TRIM40: variants seen among roughly 807,000 people sequenced by gnomAD.
TRIM40 encodes the protein tripartite motif containing 40, also known as E3 ubiquitin ligase TRIM40.
TRIM40 carries 27 observed loss-of-function variants against 26.1 expected under a neutral mutation model. The ratio of observed to expected loss-of-function variants is 1.04; its 90% CI spans 0.76 to 1.43. The LOEUF is 1.43. Among genes scored for constraint, TRIM40 ranks in the 40% most tolerant of loss-of-function variants. The pLI, the probability that TRIM40 is intolerant of heterozygous loss-of-function variation, is 0.00. For synonymous variants in TRIM40, 114 were observed against 120.0 expected (o/e 0.95, Z 0.33); for missense variants, 289 against 307.9 (o/e 0.94, Z 0.46).
chr6:30,138,328 G>A (rs758699025), intron 2 of TRIM40, among the ~76,000 whole-genome samples: 15 of 152,188 alleles, frequency 9.9e-5, no homozygotes, highest in Non-Finnish European at 2.1e-4. Flanking sequence ...ATATATTGGA[G>A]GACCTAGAAT....
intron 2 of TRIM40, among the ~76,000 whole-genome samples, chr6:30,144,040 T>C (rs1354600118): frequency 6.6e-6 from 1 of 151,958 alleles, no homozygotes; most frequent in African/African-American, 2.4e-5. Context: ...TAAAAGGCCA[T>C]GAGGAGGTGT....
In TRIM40 at chr6:30,147,851, C is replaced by T. The variant is rs114177994; in HGVS notation, c.*39C>T. 1,728 of 1,573,342 alleles carry T rather than the reference C, an allele frequency of 1.1e-3. 31 individuals are homozygous for T. The African/African-American group carries it at 0.021, about 20-fold the overall frequency. ...GGGACACCTCACTTCAGGCTCACCTCAGCCTCCTCTCTCTCCTTCCTCCAA... is the reference window on the plus strand; with the variant it reads ...GGGACACCTCACTTCAGGCTCACCTTAGCCTCCTCTCTCTCCTTCCTCCAA... On this transcript the variant is annotated 3_prime_UTR_variant, in exon 6 of 6. Coordinates refer to ENST00000396581, the MANE Select transcript of TRIM40 (RefSeq NM_001286633.2).
rs546121168 is a variant in TRIM40 at position 30,137,832 on chromosome 6, T to C, written c.345+451T>C. ...TCTCTTTTTCTTCCTTCTGCATTTGTCTTATCTTTCCTTTTCCTTTCTTTG... is the reference window on the plus strand; with the variant it reads ...TCTCTTTTTCTTCCTTCTGCATTTGCCTTATCTTTCCTTTTCCTTTCTTTG... On this transcript the variant is annotated intron_variant, in intron 2 of 5. Coordinates refer to ENST00000396581, the MANE Select transcript of TRIM40 (RefSeq NM_001286633.2). Among the ~76,000 whole-genome samples the C allele has an allele frequency of 3.3e-5, 5 of 152,358 alleles. No homozygotes were observed. The East Asian group carries it at 9.6e-4, about 29-fold the overall frequency.
chr6:30,143,123 C>CAGT (rs1771445332), intron 2 of TRIM40, among the ~76,000 whole-genome samples: 1 of 152,080 alleles, frequency 6.6e-6, no homozygotes, highest in East Asian at 1.9e-4. Flanking sequence ...TCTTCTCAAC[C>CAGT]AGTACCAAGA....
At chr6:30,145,475 T>A (rs1771590462) in intron 2 of TRIM40, among the ~76,000 whole-genome samples, 1 of 152,118 alleles carries the variant, frequency 6.6e-6, no homozygotes, top group South Asian at 2.1e-4. Flanking sequence ...CAGCGACACA[T>A]CCAGATGCTG....
At chr6:30,144,454 A>G (rs1310811657) in intron 2 of TRIM40, among the ~76,000 whole-genome samples, 2 of 152,170 alleles carry the variant, frequency 1.3e-5, no homozygotes, top group Non-Finnish European at 2.9e-5. Context: ...AGGAAAAAAG[A>G]TTTGGTTTTG....
rs1314849556 is a variant in TRIM40, at chr6:30,148,031, T to C, written c.*219T>C. ...CCTCCTTCCAGGACAGGCTCATGCTTGGGGCTGCCACTGTGGAGGTCGGGG... is the reference window on the plus strand; with the variant it reads ...CCTCCTTCCAGGACAGGCTCATGCTCGGGGCTGCCACTGTGGAGGTCGGGG... On this transcript the variant is annotated 3_prime_UTR_variant, in exon 6 of 6. Transcript: ENST00000396581. 1.9e-5 allele frequency: 11 copies of C among 592,748 alleles called. No individual in the cohort carries two copies. In the Admixed American group the frequency reaches 2.4e-4, roughly 13 times the overall value. 36.7% of individuals were successfully genotyped at this position (592,748 alleles called of 1,614,324 possible).
At position 30,147,055 on chromosome 6, in the gene TRIM40, T is replaced by A; in HGVS notation, c.512T>A (p.Leu171Gln). The change falls in exon 4 of 6, where the codon CTG (leucine) becomes CAG (glutamine). Residue 171 changes from leucine (L) to glutamine (Q), a missense_variant. By Grantham distance (113) the Leu-to-Gln change is moderately radical. Coordinates refer to ENST00000396581, the MANE Select transcript of TRIM40 (RefSeq NM_001286633.2). The part of the protein sequence containing the change: ...PESQHQTREQ[L>Q]GALPQQWLGQ... ...AGCCAGCACCAAACCAGGGAACAGC[T>A]GGGTGCCCTCCCTCAGCAGTGGCTG... The A allele has an allele frequency of 6.2e-7, 1 of 1,613,700 alleles. No individual in the cohort carries two copies. Among genetic ancestry groups the A allele is most frequent in the Non-Finnish European group, 8.5e-7 (1 of 1,179,800 alleles).
Position 30,136,936 on chromosome 6 carries a change from T to C in TRIM40, c.-101T>C, listed in dbSNP as rs113267553. On this transcript the variant is annotated 5_prime_UTR_variant, in exon 2 of 6. Transcript: ENST00000396581. ...TGCTCCAGGGCTGCCTCCTTCCGAC[T>C]GGGCCTTCTTATCTGGGACTGTTGA... The C allele has an allele frequency of 6.0e-4, 747 of 1,237,134 alleles. 1 individual carries two copies. In the African/African-American group the frequency reaches 8.3e-3, roughly 14 times the overall value. The allele number at this position is 1,237,134 out of a possible 1,614,324, so 76.6% of individuals were successfully genotyped here.
intron 2 of TRIM40, among the ~76,000 whole-genome samples, chr6:30,143,735 C>T (rs1404467922): frequency 6.6e-6 from 1 of 152,024 alleles, no homozygotes; most frequent in Non-Finnish European, 1.5e-5. Context: ...ATATTATATG[C>T]ACCCATTAAA....
intron 2 of TRIM40, among the ~76,000 whole-genome samples, chr6:30,139,805 A>G (rs578135404): frequency 1.3e-4 from 20 of 152,322 alleles, no homozygotes; most frequent in African/African-American, 4.6e-4. Flanking sequence ...AAGTCTTGTT[A>G]TATTTGAAGA....
chr6:30,139,878 G>GA (rs534446813), intron 2 of TRIM40, among the ~76,000 whole-genome samples: 1 of 152,042 alleles, frequency 6.6e-6, no homozygotes, highest in Non-Finnish European at 1.5e-5. Context: ...TTCTTTGTAA[G>GA]AAAAAAACAA....
intron 4 of TRIM40, 27 bp downstream of exon 4, chr6:30,147,236 G>T: frequency 6.2e-7 from 1 of 1,612,998 alleles, no homozygotes; most frequent in Non-Finnish European, 8.5e-7. Flanking sequence ...CTTCCCCAAG[G>T]GCTGGGATTC....
At chr6:30,147,391 G>T (rs952438063) in intron 4 of TRIM40, 129 bp from the exon 5 acceptor site, 3 of 1,435,840 alleles carry the variant, frequency 2.1e-6, no homozygotes, top group Non-Finnish European at 9.7e-7. Context: ...CAGAAGAGGG[G>T]TGTTGCTATG....
intron 2 of TRIM40, among the ~76,000 whole-genome samples, chr6:30,145,310 A>G (rs1238149595): frequency 3.3e-5 from 5 of 151,842 alleles, no homozygotes; most frequent in African/African-American, 4.8e-5. Context: ...TTTGTTTTCT[A>G]TTTTATCATT....
chr6:30,146,294 T>C (rs926942368), intron 3 of TRIM40, among the ~76,000 whole-genome samples: 6 of 152,200 alleles, frequency 3.9e-5, no homozygotes, highest in African/African-American at 9.7e-5. Context: ...TTATGTGACT[T>C]ACATGTTAAA....
In TRIM40 at chr6:30,148,167, C is replaced by T. The variant is rs1771787095; in HGVS notation, c.*355C>T. ...AGGATCCTCCAGGCCTCTGAATGGC[C>T]CGAGCTCATCAGCAGTGACACCACC... On this transcript the variant is annotated 3_prime_UTR_variant, in exon 6 of 6. Coordinates refer to ENST00000396581, the MANE Select transcript of TRIM40 (RefSeq NM_001286633.2). 2 of 343,558 alleles carry T rather than the reference C, an allele frequency of 5.8e-6. No individual in the cohort carries two copies. Among genetic ancestry groups the T allele is most frequent in the Non-Finnish European group, 1.1e-5 (2 of 186,382 alleles). The allele number at this position is 343,558 out of a possible 1,614,324, so 21.3% of individuals were successfully genotyped here.
chr6:30,146,202 G>A (rs1001100035), intron 3 of TRIM40, 113 bp downstream of exon 3: 17 of 908,852 alleles, frequency 1.9e-5, no homozygotes, highest in Admixed American at 4.8e-5. Context: ...GCAGATGGTC[G>A]TGGAGGCTGA....
Position 30,148,110 on chromosome 6 carries a change from G to C in TRIM40, c.*298G>C. The C allele has an allele frequency of 2.0e-6, 1 of 508,310 alleles. No individual in the cohort carries two copies. The highest frequency in any genetic ancestry group is 3.5e-6 in the Non-Finnish European group (1 of 283,538). 31.5% of individuals were successfully genotyped at this position (508,310 alleles called of 1,614,324 possible). On this transcript the variant is annotated 3_prime_UTR_variant, in exon 6 of 6. Coordinates refer to ENST00000396581, the MANE Select transcript of TRIM40 (RefSeq NM_001286633.2). ...TCTCCATTTTGCCTGTAAACTGATG[G>C]TAGTGCCCATCTCTCACAATCTCAT...
Sources: allele counts gnomAD v4.1 joint callset (sites outside exome capture counted in the v4.1 genomes callset), GRCh38; gene constraint gnomAD v4.1.1; transcripts MANE v1.5; gene names NCBI Gene and HGNC (gene_info 2026-07-23, HGNC 2026-07-21).